EFNA2: variants seen among roughly 807,000 people sequenced by gnomAD.
EFNA2 encodes the protein ephrin A2, also known as ephrin-A2.
EFNA2 carries 18 observed loss-of-function variants against 19.7 expected under a neutral mutation model. The ratio of observed to expected loss-of-function variants is 0.91; its 90% CI spans 0.63 to 1.35. The LOEUF is 1.35. EFNA2 is among the 40% of genes most tolerant of loss of function. EFNA2 has a pLI of 0.00. For missense variants in EFNA2, 303 were observed against 296.0 expected, an observed-to-expected ratio of 1.02 and a Z score of -0.17; for synonymous variants, 187 against 137.8, an observed-to-expected ratio of 1.36 and a Z score of -2.50.
chr19:1,289,218 G>A (rs1256640112), intron 1 of EFNA2, among the ~76,000 whole-genome samples: 1 of 152,274 alleles, frequency 6.6e-6, no homozygotes, highest in Admixed American at 6.5e-5. Context: ...GTGTGCATGA[G>A]TGTGTCTGTG....
rs2081512957 is a variant in EFNA2, at chr19:1,295,941, G to A, written c.454+83G>A. Reference sequence around the variant, plus strand: ...GGCCAGGAAGTGGGCGGGACCACTGGGGTGGGGCCGGGGAGTGGGCGGGGC... The same window carrying A: ...GGCCAGGAAGTGGGCGGGACCACTGAGGTGGGGCCGGGGAGTGGGCGGGGC... On this transcript the variant is annotated intron_variant, in intron 2 of 3. Coordinates refer to ENST00000215368, the MANE Select transcript of EFNA2 (RefSeq NM_001405.4). This position sits in a 1 kb window ranked among gnomAD's most constrained non-coding sequence, Gnocchi z 5.8. 2.5e-5 allele frequency: 33 copies of A among 1,337,800 alleles called. No individual in the cohort carries two copies. In the South Asian group the frequency reaches 4.8e-4, roughly 20 times the overall value. The allele number at this position is 1,337,800 out of a possible 1,614,324, so 82.9% of individuals were successfully genotyped here.
rs1179184170 is a variant in EFNA2 at position 1,286,607 on chromosome 19, C to T, written c.140+299C>T. ...GGAGTTTGGGGAACCCCTCTGGTAC[C>T]CTCCGATGCCGGGTAGCCCCTGAGT... On this transcript the variant is annotated intron_variant, in intron 1 of 3. Coordinates refer to ENST00000215368, the MANE Select transcript of EFNA2 (RefSeq NM_001405.4). The surrounding 1 kb of genome is among the most constrained non-coding windows in gnomAD (Gnocchi z 5.6). 2.6e-5 allele frequency among the ~76,000 whole-genome samples: 4 copies of T among 152,188 alleles called. No homozygotes were observed. Among genetic ancestry groups the T allele is most frequent in the African/African-American group, 7.2e-5 (3 of 41,462 alleles).
chr19:1,294,601 G>A lies in EFNA2; in HGVS notation c.141-944G>A, dbSNP rs1423293483. On this transcript the variant is annotated intron_variant, in intron 1 of 3. Transcript: ENST00000215368. The surrounding 1 kb of genome is among the most constrained non-coding windows in gnomAD (Gnocchi z 5.8). ...CGCAGGGTCACACAGGAAGGCAGGGGTGGGGCTGGGAGTGGAGCCCAGGAT... is the reference window on the plus strand; with the variant it reads ...CGCAGGGTCACACAGGAAGGCAGGGATGGGGCTGGGAGTGGAGCCCAGGAT... 1.3e-5 allele frequency among the ~76,000 whole-genome samples: 2 copies of A among 152,014 alleles called. No individual in the cohort carries two copies. The highest frequency in any genetic ancestry group is 4.8e-5 in the African/African-American group (2 of 41,374).
Position 1,295,990 on chromosome 19 carries a change from G to A in EFNA2, c.454+132G>A, listed in dbSNP as rs1228106873. 2.8e-5 allele frequency: 21 copies of A among 747,296 alleles called. No homozygotes were observed. The South Asian group carries it at 6.1e-4, about 22-fold the overall frequency. The allele number at this position is 747,296 out of a possible 1,614,324, so 46.3% of individuals were successfully genotyped here. On this transcript the variant is annotated intron_variant, in intron 2 of 3. Coordinates refer to ENST00000215368, the MANE Select transcript of EFNA2 (RefSeq NM_001405.4). This position sits in a 1 kb window ranked among gnomAD's most constrained non-coding sequence, Gnocchi z 5.8. ...GCAGCGCAGTGGGCGGGGCCGCGGT[G>A]TGGGGCCAGGGGGGAGTGGGCGGGG...
chr19:1,300,027 C>T lies in EFNA2; in HGVS notation c.*82C>T, dbSNP rs1056991168. ...CTCGGCCCTCCGGACCCGGCTGCGG[C>T]CCCCGCCTCCGAGACCAAATAGAGA... On this transcript the variant is annotated 3_prime_UTR_variant, in exon 4 of 4. Coordinates refer to ENST00000215368, the MANE Select transcript of EFNA2 (RefSeq NM_001405.4). 24 of 1,466,360 alleles carry T rather than the reference C, an allele frequency of 1.6e-5. No individual in the cohort carries two copies. Among genetic ancestry groups the T allele is most frequent in the African/African-American group, 2.9e-5 (2 of 69,832 alleles). The allele number at this position is 1,466,360 out of a possible 1,614,324, so 90.8% of individuals were successfully genotyped here. A position where few individuals can be genotyped will look rare whatever the true frequency, so the allele number is the denominator to read the frequency against.
intron 1 of EFNA2, among the ~76,000 whole-genome samples, chr19:1,288,628 G>A (rs982177915): frequency 5.9e-5 from 9 of 152,058 alleles, no homozygotes; most frequent in Non-Finnish European, 1.2e-4. Flanking sequence ...CAGCGTCGCC[G>A]GCCGCCCCTT....
At chr19:1,289,318 C>T (rs945750170) in intron 1 of EFNA2, among the ~76,000 whole-genome samples, 2 of 152,046 alleles carry the variant, frequency 1.3e-5, no homozygotes, top group African/African-American at 2.4e-5. Context: ...GGCATGCATG[C>T]GTTTTGTCTG....
In EFNA2 at chr19:1,286,276, C is replaced by A; in HGVS notation, c.108C>A (p.Arg36=). The A allele has an allele frequency of 1.8e-6, 2 of 1,086,812 alleles. No individual in the cohort carries two copies. Among genetic ancestry groups the A allele is most frequent in the South Asian group, 2.3e-5 (1 of 42,750 alleles). The allele number at this position is 1,086,812 out of a possible 1,614,324, so 67.3% of individuals were successfully genotyped here. The change falls in exon 1 of 4, where the codon CGC becomes CGA. Residue 36 remains arginine, a synonymous_variant. Transcript: ENST00000215368. This position sits in a 1 kb window ranked among gnomAD's most constrained non-coding sequence, Gnocchi z 5.6. ...ACGCCGCCCGCGCCAACTCGGACCGCTACGCCGTCTACTGGAACCGCAGCA... is the reference window on the plus strand; with the variant it reads ...ACGCCGCCCGCGCCAACTCGGACCGATACGCCGTCTACTGGAACCGCAGCA... The part of the protein sequence containing the change: ...AEDAARANSD[R]YAVYWNRSNP...
chr19:1,291,923 A>T (rs1024731691), intron 1 of EFNA2, among the ~76,000 whole-genome samples: 6 of 152,190 alleles, frequency 3.9e-5, no homozygotes, highest in Non-Finnish European at 8.8e-5. Context: ...TGGCACCCGC[A>T]GGTTGAGTGA....
At position 1,294,533 on chromosome 19, in the gene EFNA2, G is replaced by A. The variant is rs1356869445; in HGVS notation, c.141-1012G>A. On this transcript the variant is annotated intron_variant, in intron 1 of 3. Coordinates refer to ENST00000215368, the MANE Select transcript of EFNA2 (RefSeq NM_001405.4). The surrounding 1 kb of genome is among the most constrained non-coding windows in gnomAD (Gnocchi z 5.8). ...CGCCGGATTCCGGGGCTCGGGGCTC[G>A]GGAGGTTTCTGGGTTCCAGATGTGA... 1.3e-5 allele frequency among the ~76,000 whole-genome samples: 2 copies of A among 152,032 alleles called. No individual in the cohort carries two copies. The highest frequency in any genetic ancestry group is 1.9e-4 in the East Asian group (1 of 5,182).
Position 1,286,359 on chromosome 19 carries a change from A to C in EFNA2, c.140+51A>C. The C allele has an allele frequency of 1.1e-6, 1 of 949,816 alleles. No homozygotes were observed. The highest frequency in any genetic ancestry group is 1.2e-6 in the Non-Finnish European group (1 of 801,608). The allele number at this position is 949,816 out of a possible 1,614,324, so 58.8% of individuals were successfully genotyped here. ...GCCCGGGGACCCCCCAACGCCCCCC[A>C]AGCCGCGCCCGGCCTCGCGCCCCCG... is the stretch of plus-strand genomic sequence containing the variant. On this transcript the variant is annotated intron_variant, in intron 1 of 3. Transcript: ENST00000215368. The surrounding 1 kb of genome is among the most constrained non-coding windows in gnomAD (Gnocchi z 5.6).
At position 1,298,433 on chromosome 19, in the gene EFNA2, G is replaced by C. The variant is rs1169560344; in HGVS notation, c.455-118G>C. On this transcript the variant is annotated intron_variant, in intron 2 of 3. Coordinates refer to ENST00000215368, the MANE Select transcript of EFNA2 (RefSeq NM_001405.4). ...TTGATGTACGATTAGGAGTTTTAAG[G>C]GTGGCTCTCCACCTGGGGTCAGGGT... 4.3e-6 allele frequency: 4 copies of C among 937,104 alleles called. No homozygotes were observed. The African/African-American group carries it at 4.9e-5, about 11-fold the overall frequency. The allele number at this position is 937,104 out of a possible 1,614,324, so 58.0% of individuals were successfully genotyped here.
In EFNA2 at chr19:1,299,830, C is replaced by A. The variant is rs768699852; in HGVS notation, c.527C>A (p.Thr176Asn). 1 of 1,601,406 alleles carries A rather than the reference C, an allele frequency of 6.2e-7. No homozygotes were observed. Among genetic ancestry groups the A allele is most frequent in the Non-Finnish European group, 8.5e-7 (1 of 1,176,934 alleles). ...CTGTCTCTGCCACCCGCAGACGAGA[C>A]CCTGTACGAGGCTCCTGAGCCCATC... ...LKVYVRPTNE[T>N]LYEAPEPIFT... Residue 176 changes from threonine (T) to asparagine (N), a missense_variant, in exon 4 of 4, where the codon ACC (threonine) becomes AAC (asparagine). Thr to Asn is a moderately conservative substitution (Grantham distance 65). Transcript: ENST00000215368.
rs1262111622 is a variant in EFNA2, at chr19:1,286,419, C to T, written c.140+111C>T. On this transcript the variant is annotated intron_variant, in intron 1 of 3. Coordinates refer to ENST00000215368, the MANE Select transcript of EFNA2 (RefSeq NM_001405.4). This position sits in a 1 kb window ranked among gnomAD's most constrained non-coding sequence, Gnocchi z 5.6. Reference sequence around the variant, plus strand: ...GCGCCCCCCACGCGCGCGCCGCCGCCGGGATGCGGGCGCCCGGTTCCCGCG... The same window carrying T: ...GCGCCCCCCACGCGCGCGCCGCCGCTGGGATGCGGGCGCCCGGTTCCCGCG... 1.2e-5 allele frequency: 4 copies of T among 333,198 alleles called. No homozygotes were observed. The highest frequency in any genetic ancestry group is 1.7e-5 in the Non-Finnish European group (4 of 235,278). 20.6% of individuals were successfully genotyped at this position (333,198 alleles called of 1,614,324 possible).
Position 1,294,045 on chromosome 19 carries a change from G to C in EFNA2, c.141-1500G>C, listed in dbSNP as rs1260209329. On this transcript the variant is annotated intron_variant, in intron 1 of 3. Coordinates refer to ENST00000215368, the MANE Select transcript of EFNA2 (RefSeq NM_001405.4). This position sits in a 1 kb window ranked among gnomAD's most constrained non-coding sequence, Gnocchi z 5.8. Reference sequence around the variant, plus strand: ...GGGTGGCGGTGGCTGTGCCGGGCTAGAGGCAGTGCCAGGGCCGGGATCGTA... The same window carrying C: ...GGGTGGCGGTGGCTGTGCCGGGCTACAGGCAGTGCCAGGGCCGGGATCGTA... 6.6e-6 allele frequency among the ~76,000 whole-genome samples: 1 copy of C among 152,262 alleles called. No individual in the cohort carries two copies. The highest frequency in any genetic ancestry group is 1.5e-5 in the Non-Finnish European group (1 of 68,040).
intron 1 of EFNA2, among the ~76,000 whole-genome samples, chr19:1,292,162 C>T (rs2081494594): frequency 6.6e-6 from 1 of 152,232 alleles, no homozygotes; most frequent in Admixed American, 6.5e-5. Flanking sequence ...GCCCCCTCCC[C>T]CCTGCAGGCG....
intron 1 of EFNA2, among the ~76,000 whole-genome samples, chr19:1,290,065 C>A (rs977914785): frequency 6.6e-6 from 1 of 151,898 alleles, no homozygotes; most frequent in African/African-American, 2.4e-5. Flanking sequence ...TGACGTCAGG[C>A]AGGTGGCTTA....
chr19:1,286,258 C>T lies in EFNA2; in HGVS notation c.90C>T (p.Ala30=). 8.9e-7 allele frequency: 1 copy of T among 1,128,200 alleles called. No homozygotes were observed. Among genetic ancestry groups the T allele is most frequent in the African/African-American group, 1.7e-5 (1 of 59,096 alleles). The allele number at this position is 1,128,200 out of a possible 1,614,324, so 69.9% of individuals were successfully genotyped here. Residue 30 remains alanine, a synonymous_variant, in exon 1 of 4, where the codon GCC becomes GCT. Transcript: ENST00000215368. The surrounding 1 kb of genome is among the most constrained non-coding windows in gnomAD (Gnocchi z 5.6). ...CCTTCGCGCGCGCCGAGGACGCCGC[C>T]CGCGCCAACTCGGACCGCTACGCCG... ...PPPFARAEDA[A]RANSDRYAVY...
chr19:1,293,442 G>A (rs1382117783), intron 1 of EFNA2, among the ~76,000 whole-genome samples: 1 of 152,154 alleles, frequency 6.6e-6, no homozygotes, highest in Non-Finnish European at 1.5e-5. Flanking sequence ...GTGTCTGTGC[G>A]GACGCACCCC....
Sources: gnomAD v4.1 joint callset for allele counts (sites outside exome capture counted in the v4.1 genomes callset) on GRCh38, gnomAD v4.1.1 for gene constraint, Gnocchi (gnomAD v3.1) non-coding constraint, MANE v1.5 for transcripts, NCBI Gene and HGNC (gene_info 2026-07-23, HGNC 2026-07-21) for gene names.